The following FNDC3B variants were observed in gnomAD, a reference collection of about 807,000 sequenced individuals.
The protein encoded by FNDC3B is fibronectin type III domain containing 3B.
Under a neutral mutation model 151.5 loss-of-function variants are expected in FNDC3B, and 12 were observed. The observed-to-expected ratio is 0.08, with a 90% CI of 0.05 to 0.13. FNDC3B has a LOEUF of 0.13. Among genes scored for constraint, FNDC3B ranks in the 10% least tolerant of loss-of-function variants. FNDC3B has a pLI of 1.00. For missense variants in FNDC3B, 1,214 were observed against 1,505.3 expected (o/e 0.81, Z 3.20); for synonymous variants, 528 against 549.0 (o/e 0.96, Z 0.54).
At chr3:172,103,822 A>C (rs1173008107) in intron 1 of FNDC3B, among the ~76,000 whole-genome samples, 2 of 152,228 alleles carry the variant, frequency 1.3e-5, no homozygotes, top group Non-Finnish European at 2.9e-5. Flanking sequence ...ACTAATGAAC[A>C]CATATCAGAC....
chr3:172,063,506 C>T (rs371813576), intron 1 of FNDC3B, among the ~76,000 whole-genome samples: 28 of 152,130 alleles, frequency 1.8e-4, no homozygotes, highest in African/African-American at 5.8e-4. Flanking sequence ...ATTCCTGTGA[C>T]GAGGAATCTG....
At chr3:172,294,008 CTTTT>C (rs1382335082) in intron 7 of FNDC3B, among the ~76,000 whole-genome samples, 2 of 152,170 alleles carry the variant, frequency 1.3e-5, no homozygotes, top group Non-Finnish European at 2.9e-5. Flanking sequence ...TCTGTATTGT[CTTTT>C]TTGTTTTTAA....
intron 1 of FNDC3B, among the ~76,000 whole-genome samples, chr3:172,079,358 A>C (rs989380655): frequency 2.6e-5 from 4 of 152,126 alleles, no homozygotes; most frequent in African/African-American, 7.2e-5. Flanking sequence ...CCAAAGATGG[A>C]GTTTGGCCTT....
intron 25 of FNDC3B, among the ~76,000 whole-genome samples, chr3:172,396,320 A>G (rs1216277893): frequency 6.6e-6 from 1 of 152,166 alleles, no homozygotes; most frequent in African/African-American, 2.4e-5. Flanking sequence ...AAGTCATTAT[A>G]GTGTCTACCT....
At chr3:172,344,321 G>A (rs986506158) in intron 19 of FNDC3B, 63 bp downstream of exon 19, 2 of 1,474,458 alleles carry the variant, frequency 1.4e-6, no homozygotes, top group Non-Finnish European at 1.8e-6. Flanking sequence ...CAAAGTGCTA[G>A]CACTTCTGTC....
At chr3:172,057,406 T>C (rs1560386288) in intron 1 of FNDC3B, among the ~76,000 whole-genome samples, 1 of 152,206 alleles carries the variant, frequency 6.6e-6, no homozygotes, top group East Asian at 1.9e-4. Context: ...TGCACTTTTC[T>C]TTGAAATGAC....
At chr3:172,145,298 T>C (rs943903580) in intron 3 of FNDC3B, among the ~76,000 whole-genome samples, 1 of 152,150 alleles carries the variant, frequency 6.6e-6, no homozygotes, top group African/African-American at 2.4e-5. Context: ...GAGAAGTCTT[T>C]GGGAGTAAAA....
rs530267747 is a variant in FNDC3B at position 172,231,672 on chromosome 3, G to A, written c.264+4725G>A. Among the ~76,000 whole-genome samples the A allele has an allele frequency of 2.6e-5, 4 of 152,008 alleles. No homozygotes were observed. In the South Asian group the frequency reaches 6.2e-4, roughly 24 times the overall value. On this transcript the variant is annotated intron_variant, in intron 4 of 25. Coordinates refer to ENST00000415807, the MANE Select transcript of FNDC3B (RefSeq NM_022763.4). ...TTACATATGAGGATGCTGACGCCCC[G>A]GTTGGAACCAGGATTGCAGCCCATG... is the stretch of plus-strand genomic sequence containing the variant.
chr3:172,322,697 C>G (rs1732148483), intron 11 of FNDC3B, among the ~76,000 whole-genome samples: 1 of 152,058 alleles, frequency 6.6e-6, no homozygotes. Context: ...AACTCTTTTT[C>G]CCATCCCTGA....
At chr3:172,361,675 C>T (rs1456536161) in intron 22 of FNDC3B, among the ~76,000 whole-genome samples, 1 of 152,192 alleles carries the variant, frequency 6.6e-6, no homozygotes. Flanking sequence ...CCAGTGTCTG[C>T]CCATTACCCA....
At chr3:172,273,842 A>T (rs1729314780) in intron 6 of FNDC3B, among the ~76,000 whole-genome samples, 1 of 152,252 alleles carries the variant, frequency 6.6e-6, no homozygotes, top group South Asian at 2.1e-4. Context: ...GCCCGGATAC[A>T]TTCTGTACTA....
chr3:172,084,320 G>A (rs563072941), intron 1 of FNDC3B, among the ~76,000 whole-genome samples: 1 of 152,178 alleles, frequency 6.6e-6, no homozygotes, highest in South Asian at 2.1e-4. Flanking sequence ...GCGTGGTGGT[G>A]CACGCTTGTA....
rs374576790 is a variant in FNDC3B, at chr3:172,255,111, G to A, written c.790+3570G>A. 1.1e-4 allele frequency among the ~76,000 whole-genome samples: 17 copies of A among 152,086 alleles called. No homozygotes were observed. In the South Asian group the frequency reaches 3.3e-3, roughly 30 times the overall value. On this transcript the variant is annotated intron_variant, in intron 6 of 25. Coordinates refer to ENST00000415807, the MANE Select transcript of FNDC3B (RefSeq NM_022763.4). ...GTAGGCATCTCTCTACTCTCCATCT[G>A]GCAGCCTTTTCCCTTCCCTTCATGC...
intron 25 of FNDC3B, among the ~76,000 whole-genome samples, chr3:172,389,339 G>GACTGGCCTC (rs1735886373): frequency 6.6e-6 from 1 of 152,092 alleles, no homozygotes; most frequent in African/African-American, 2.4e-5. Context: ...AATCTTCACT[G>GACTGGCCTC]AGATATGACT....
At chr3:172,177,887 TC>T (rs1008114739) in intron 3 of FNDC3B, among the ~76,000 whole-genome samples, 11 of 151,932 alleles carry the variant, frequency 7.2e-5, no homozygotes, top group African/African-American at 2.7e-4. Flanking sequence ...TGTGTGTTGT[TC>T]CCCTCCCTGT....
intron 11 of FNDC3B, among the ~76,000 whole-genome samples, chr3:172,318,569 AG>A (rs1731930401): frequency 1.3e-5 from 2 of 152,260 alleles, no homozygotes; most frequent in Non-Finnish European, 2.9e-5. Context: ...GGAATGGAGC[AG>A]CTACAAGCAC....
Position 172,251,522 on chromosome 3 carries a change from G to T in FNDC3B, c.771G>T (p.Ser257=). The T allele has an allele frequency of 4.3e-6, 7 of 1,612,706 alleles. No individual in the cohort carries two copies. The highest frequency in any genetic ancestry group is 5.9e-6 in the Non-Finnish European group (7 of 1,179,422). Residue 257 remains serine, a synonymous_variant, in exon 6 of 26, where the codon TCG becomes TCT. Coordinates refer to ENST00000415807, the MANE Select transcript of FNDC3B (RefSeq NM_022763.4). ...GACGAGCAAGAAGCAGCCCAAAGTC[G>T]AATGATTCAGACTTGCAAGGTAATA... ...TERRARSSPK[S]NDSDLQEYEL...
At chr3:172,205,836 C>T (rs1239596433) in intron 3 of FNDC3B, among the ~76,000 whole-genome samples, 2 of 152,050 alleles carry the variant, frequency 1.3e-5, no homozygotes, top group African/African-American at 2.4e-5. Flanking sequence ...TTAATTAATT[C>T]CTGGTTATTA....
chr3:172,164,234 A>C (rs933828906), intron 3 of FNDC3B, among the ~76,000 whole-genome samples: 5 of 152,218 alleles, frequency 3.3e-5, no homozygotes, highest in African/African-American at 1.2e-4. Flanking sequence ...GTATAATAAA[A>C]TTTAAAATTT....
Sources: gnomAD v4.1 joint callset for allele counts (sites outside exome capture counted in the v4.1 genomes callset) on GRCh38, gnomAD v4.1.1 for gene constraint, MANE v1.5 for transcripts, NCBI Gene and HGNC (gene_info 2026-07-23, HGNC 2026-07-21) for gene names.